The following LY96 variants were observed in gnomAD, a reference collection of about 807,000 sequenced individuals.
The protein encoded by LY96 is myeloid differentiation protein-2.
Under a neutral mutation model 18.9 loss-of-function variants are expected in LY96, and 18 were observed. The ratio of observed to expected loss-of-function variants is 0.95; its 90% CI spans 0.66 to 1.41. The LOEUF (loss-of-function observed/expected upper bound fraction) is 1.41. Ranked by LOEUF, LY96 falls within the 40% of genes most tolerant of loss-of-function variation. LY96 has a pLI of 0.00. For synonymous variants in LY96, 66 were observed against 62.6 expected, an observed-to-expected ratio of 1.06 and a Z score of -0.26; for missense variants, 175 against 182.4, an observed-to-expected ratio of 0.96 and a Z score of 0.23.
At chr8:74,018,964 G>C (rs1339802237) in intron 3 of LY96, among the ~76,000 whole-genome samples, 1 of 152,076 alleles carries the variant, frequency 6.6e-6, no homozygotes, top group Non-Finnish European at 1.5e-5. Flanking sequence ...GCCCACAAGA[G>C]AAAGCAGAAA....
chr8:74,044,557 A>G, the LY96 span, among the ~76,000 whole-genome samples: 1 of 151,988 alleles, frequency 6.6e-6, no homozygotes, highest in Non-Finnish European at 1.5e-5. Flanking sequence ...AATTAGACAA[A>G]ATCAAGATGT....
At position 74,017,569 on chromosome 8, in the gene LY96, C is replaced by T. The variant is rs181553933; in HGVS notation, c.331+7440C>T. Among the ~76,000 whole-genome samples the T allele has an allele frequency of 2.2e-4, 34 of 152,160 alleles. No homozygotes were observed. The East Asian group carries it at 3.7e-3, about 16-fold the overall frequency. On this transcript the variant is annotated intron_variant, in intron 3 of 4. Transcript: ENST00000284818. ...ACAGAGAACACCACAAGGTACTCCT[C>T]GAGAAGAGCAACCCCAAGACAGATA...
At chr8:74,050,852 G>A in the LY96 span, among the ~76,000 whole-genome samples, 27 of 152,164 alleles carry the variant, frequency 1.8e-4, no homozygotes, top group Admixed American at 9.8e-4. Flanking sequence ...GTGAAATTCC[G>A]TCTCTACTAA....
the LY96 span, among the ~76,000 whole-genome samples, chr8:74,049,271 C>T: frequency 6.6e-6 from 1 of 152,184 alleles, no homozygotes; most frequent in Non-Finnish European, 1.5e-5. Flanking sequence ...CTCTTGCTAT[C>T]CCTGTCATGC....
the LY96 span, among the ~76,000 whole-genome samples, chr8:74,070,344 G>A: frequency 3.3e-4 from 50 of 152,206 alleles, no homozygotes; most frequent in African/African-American, 1.2e-3. Flanking sequence ...GCCCGCCTCG[G>A]CCTCCCGAAG....
chr8:74,001,937 ACCTTCCTTCCTT>A (rs568575292), intron 1 of LY96, among the ~76,000 whole-genome samples: 2,799 of 63,206 alleles, frequency 0.044, 121 homozygotes, highest in Admixed American at 0.076. Context: ...TTTTCAACCA[ACCTTCCTTCCTT>A]CCTTCCTTCC....
At chr8:74,012,377 T>C (rs1182830425) in intron 3 of LY96, among the ~76,000 whole-genome samples, 1 of 152,188 alleles carries the variant, frequency 6.6e-6, no homozygotes, top group East Asian at 1.9e-4. Context: ...AATCATGTAT[T>C]TTTCAGCAAC....
the LY96 span, among the ~76,000 whole-genome samples, chr8:74,089,899 A>AAAG: frequency 6.6e-6 from 1 of 152,104 alleles, no homozygotes. Flanking sequence ...GCATCCAAGC[A>AAAG]AAGGCCCCGT....
At chr8:74,007,141 C>T (rs898177159) in intron 2 of LY96, among the ~76,000 whole-genome samples, 2 of 152,198 alleles carry the variant, frequency 1.3e-5, no homozygotes, top group African/African-American at 4.8e-5. Flanking sequence ...TTGTAAGAGA[C>T]CCATGACAGG....
intron 3 of LY96, among the ~76,000 whole-genome samples, chr8:74,021,573 A>G (rs1376572297): frequency 6.6e-6 from 1 of 152,238 alleles, no homozygotes; most frequent in Non-Finnish European, 1.5e-5. Context: ...ACTACTGGGT[A>G]TATACCCAAA....
chr8:74,016,648 G>C (rs1034675249), intron 3 of LY96, among the ~76,000 whole-genome samples: 2 of 152,196 alleles, frequency 1.3e-5, no homozygotes, highest in Non-Finnish European at 2.9e-5. Flanking sequence ...GTGCCCCTCT[G>C]AGATGAAGCT....
chr8:74,091,024 G>A, the LY96 span, among the ~76,000 whole-genome samples: 2 of 152,138 alleles, frequency 1.3e-5, no homozygotes, highest in African/African-American at 4.8e-5. Context: ...TATTTTGGCT[G>A]CTATTTGTAA....
the LY96 span, among the ~76,000 whole-genome samples, chr8:74,087,717 C>T: frequency 2.0e-5 from 3 of 152,200 alleles, no homozygotes; most frequent in African/African-American, 7.2e-5. Context: ...TAATGAAAGA[C>T]ATCGCCAAGC....
the LY96 span, among the ~76,000 whole-genome samples, chr8:74,049,972 T>A: frequency 6.6e-6 from 1 of 152,102 alleles, no homozygotes; most frequent in African/African-American, 2.4e-5. Context: ...GAGCTGTAAT[T>A]GCACCACTGA....
the LY96 span, among the ~76,000 whole-genome samples, chr8:74,038,373 C>T: frequency 1.3e-5 from 2 of 152,054 alleles, no homozygotes. Context: ...TGGTAACCAT[C>T]CTTCTACTCT....
downstream of LY96, among the ~76,000 whole-genome samples, chr8:74,032,905 C>A (rs1816994304): frequency 6.6e-6 from 1 of 152,172 alleles, no homozygotes; most frequent in African/African-American, 2.4e-5. Context: ...GATTGCCCAA[C>A]TCTCCCTATA....
chr8:74,034,552 G>A, the LY96 span, among the ~76,000 whole-genome samples: 3 of 151,858 alleles, frequency 2.0e-5, no homozygotes, highest in African/African-American at 7.3e-5. Flanking sequence ...ATTTTTAGTT[G>A]GTGCCTTAAT....
intron 2 of LY96, among the ~76,000 whole-genome samples, chr8:74,007,633 A>G (rs142724035): frequency 5.8e-4 from 88 of 152,326 alleles, no homozygotes; most frequent in African/African-American, 1.9e-3. Flanking sequence ...AATTATTTGT[A>G]TATTATTAAC....
At chr8:74,051,617 G>A in the LY96 span, among the ~76,000 whole-genome samples, 8 of 152,060 alleles carry the variant, frequency 5.3e-5, no homozygotes, top group Non-Finnish European at 7.4e-5. Flanking sequence ...ATTAGGTGGC[G>A]GGGTCTTGGG....
Sources: gnomAD v4.1 joint callset for allele counts (sites outside exome capture counted in the v4.1 genomes callset) on GRCh38, gnomAD v4.1.1 for gene constraint, MANE v1.5 for transcripts, NCBI Gene and HGNC (gene_info 2026-07-23, HGNC 2026-07-21) for gene names.